SYT16: variants seen among roughly 807,000 people sequenced by gnomAD.
SYT16 encodes synaptotagmin 16, also known as synaptotagmin-16.
SYT16 carries 42 observed loss-of-function variants against 61.4 expected under a neutral mutation model. The ratio of observed to expected loss-of-function variants is 0.68; its 90% confidence interval spans 0.53 to 0.89. The LOEUF is 0.89. Among genes scored for constraint, SYT16 ranks in the 40% least tolerant of loss-of-function variants. SYT16 has a pLI of 0.00. For synonymous variants in SYT16, 314 were observed against 302.3 expected (o/e 1.04, Z -0.40); for missense variants, 804 against 807.3 (o/e 1.00, Z 0.05).
At chr14:62,051,750 A>G (rs1248196689) in intron 3 of SYT16, among the ~76,000 whole-genome samples, 3 of 152,146 alleles carry the variant, frequency 2.0e-5, no homozygotes, top group Non-Finnish European at 4.4e-5. Context: ...TAAAACATGC[A>G]GTTTTTGGCT....
chr14:61,882,343 A>G (rs184859227), intron 1 of SYT16, among the ~76,000 whole-genome samples: 48 of 152,324 alleles, frequency 3.2e-4, no homozygotes, highest in African/African-American at 1.1e-3. Flanking sequence ...CTGTTCTTAC[A>G]CTGCTATGAA....
At chr14:62,063,102 A>C (rs2055899757) in intron 3 of SYT16, among the ~76,000 whole-genome samples, 1 of 152,122 alleles carries the variant, frequency 6.6e-6, no homozygotes, top group South Asian at 2.1e-4. Flanking sequence ...CCTACAGAGC[A>C]CTCCACCTCC....
chr14:62,057,550 A>G (rs916386911), intron 3 of SYT16, among the ~76,000 whole-genome samples: 3 of 152,228 alleles, frequency 2.0e-5, no homozygotes, highest in Admixed American at 6.5e-5. Context: ...AGTGGGGAGT[A>G]GAGAAATGCA....
At chr14:61,874,405 G>T (rs906276135) in intron 1 of SYT16, among the ~76,000 whole-genome samples, 1 of 152,204 alleles carries the variant, frequency 6.6e-6, no homozygotes, top group Non-Finnish European at 1.5e-5. Flanking sequence ...AGGGCCTACT[G>T]CAGGACTTGA....
chr14:62,061,909 T>C (rs2055844407), intron 3 of SYT16, among the ~76,000 whole-genome samples: 1 of 152,200 alleles, frequency 6.6e-6, no homozygotes, highest in Non-Finnish European at 1.5e-5. Context: ...AATTTCTGCC[T>C]GCTCTTGCTC....
intron 1 of SYT16, among the ~76,000 whole-genome samples, chr14:61,830,795 C>T (rs772376864): frequency 2.0e-5 from 3 of 152,034 alleles, no homozygotes; most frequent in Admixed American, 6.6e-5. Context: ...GCTTCTTTCC[C>T]GATCTTGTCT....
chr14:61,992,762 G>A (rs1484506134), intron 2 of SYT16, among the ~76,000 whole-genome samples: 1 of 152,114 alleles, frequency 6.6e-6, no homozygotes, highest in Non-Finnish European at 1.5e-5. Context: ...ATAGAAATGA[G>A]TGAAGCGAGT....
At chr14:61,826,513 A>G (rs1566611256) in intron 1 of SYT16, among the ~76,000 whole-genome samples, 1 of 152,026 alleles carries the variant, frequency 6.6e-6, no homozygotes, top group African/African-American at 2.4e-5. Context: ...GCTCCTGGGC[A>G]TAAGCCTAGT....
intron 1 of SYT16, among the ~76,000 whole-genome samples, chr14:61,856,886 A>G (rs74057539): frequency 0.091 from 13,839 of 152,242 alleles, 663 homozygotes; most frequent in Non-Finnish European, 0.1. Flanking sequence ...GGAGCGGTCA[A>G]TGAGGTAGGA....
intron 3 of SYT16, among the ~76,000 whole-genome samples, chr14:62,016,201 A>T (rs189520356): frequency 2.0e-4 from 30 of 152,316 alleles, no homozygotes; most frequent in African/African-American, 6.3e-4. Flanking sequence ...AAATGAAGTC[A>T]TGATGTTTCA....
At chr14:61,841,851 T>C (rs1032141657) in intron 1 of SYT16, among the ~76,000 whole-genome samples, 5 of 152,208 alleles carry the variant, frequency 3.3e-5, no homozygotes, top group African/African-American at 1.2e-4. Flanking sequence ...CATGATTTCA[T>C]TCTTTTTTAT....
At chr14:61,846,938 TAA>T (rs1210085636) in intron 1 of SYT16, among the ~76,000 whole-genome samples, 1 of 152,188 alleles carries the variant, frequency 6.6e-6, no homozygotes. Flanking sequence ...AGAAAACTGA[TAA>T]AGATTCTATG....
chr14:62,093,908 A>G (rs567489851), intron 7 of SYT16, among the ~76,000 whole-genome samples: 5 of 152,166 alleles, frequency 3.3e-5, no homozygotes, highest in African/African-American at 2.4e-5. Context: ...TCTCCTTTGC[A>G]TTACAGTCCA....
chr14:62,024,957 G>C (rs1226087810), intron 3 of SYT16, among the ~76,000 whole-genome samples: 2 of 151,858 alleles, frequency 1.3e-5, no homozygotes, highest in Non-Finnish European at 2.9e-5. Flanking sequence ...TCTTTTCATG[G>C]CTTGATAGCT....
intron 1 of SYT16, among the ~76,000 whole-genome samples, chr14:61,928,459 C>T (rs933501998): frequency 6.6e-6 from 1 of 152,138 alleles, no homozygotes; most frequent in African/African-American, 2.4e-5. Flanking sequence ...GCTAAGTGAG[C>T]TTATGTAAAG....
Position 61,832,522 on chromosome 14 carries a change from C to T in SYT16, c.-325+19712C>T, listed in dbSNP as rs1481493599. On this transcript the variant is annotated intron_variant, in intron 1 of 7. Coordinates refer to ENST00000683842, the MANE Select transcript of SYT16 (RefSeq NM_001367656.1). ...CGTGATCTCAGCTCACTGCAACCTC[C>T]GCCTCCCGAGTTCAAGTGATTCTCC... Among the ~76,000 whole-genome samples the T allele has an allele frequency of 3.3e-5, 5 of 152,098 alleles. No homozygotes were observed. The East Asian group carries it at 7.7e-4, about 23-fold the overall frequency.
At chr14:62,052,799 T>C (rs760721461) in intron 3 of SYT16, among the ~76,000 whole-genome samples, 3 of 152,226 alleles carry the variant, frequency 2.0e-5, no homozygotes, top group Non-Finnish European at 4.4e-5. Flanking sequence ...AGAAGTCAGC[T>C]GTCTGCAGCC....
intron 3 of SYT16, among the ~76,000 whole-genome samples, chr14:62,047,350 CT>C (rs1260622320): frequency 6.6e-6 from 1 of 152,128 alleles, no homozygotes; most frequent in African/African-American, 2.4e-5. Context: ...GCTGAAGTTG[CT>C]TATCAGCTTA....
intron 1 of SYT16, among the ~76,000 whole-genome samples, chr14:61,969,917 A>T (rs1367808654): frequency 6.6e-6 from 1 of 152,206 alleles, no homozygotes; most frequent in Non-Finnish European, 1.5e-5. Context: ...TCATCTGAGG[A>T]GCCAGCATCA....
Sources: allele counts gnomAD v4.1 joint callset (sites outside exome capture counted in the v4.1 genomes callset), GRCh38; gene constraint gnomAD v4.1.1; transcripts MANE v1.5; gene names NCBI Gene and HGNC (gene_info 2026-07-23, HGNC 2026-07-21).